TTLL11: variants seen among roughly 807,000 people sequenced by gnomAD.
TTLL11 encodes the protein tubulin polyglutamylase TTLL11.
A neutral mutation model predicts 51.7 loss-of-function variants in TTLL11; 42 were observed. The observed-to-expected ratio is 0.81, with a 90% CI of 0.64 to 1.05. TTLL11 has a LOEUF of 1.05. Among genes scored for constraint, TTLL11 ranks in the 50% least tolerant of loss-of-function variants. The probability of loss-of-function intolerance (pLI) is 0.00; values close to 1 mark genes in which losing one functional copy is unlikely to be tolerated. For missense variants in TTLL11, 799 were observed against 940.4 expected (o/e 0.85, Z 1.97); for synonymous variants, 381 against 383.5 (o/e 0.99, Z 0.08).
At position 121,915,982 on chromosome 9, in the gene TTLL11, C is replaced by CAAAG. The variant is rs1840306741; in HGVS notation, c.1482-45235_1482-45234insCTTT. Among the ~76,000 whole-genome samples the CAAAG allele has an allele frequency of 2.5e-5, 2 of 80,134 alleles. 1 individual carries two copies. The highest frequency in any genetic ancestry group is 1.1e-3 in the South Asian group (2 of 1,862). 52.6% of individuals were successfully genotyped at this position (80,134 alleles called of 152,430 possible). On this transcript the variant is annotated intron_variant, in intron 6 of 8. Transcript: ENST00000321582. Reference sequence around the variant, plus strand: ...AAATATTGGCATGTATAGACAAAGACACACACATACACACACACACACACA... The same window carrying CAAAG: ...AAATATTGGCATGTATAGACAAAGACAAAGACACACATACACACACACACACACA...
At chr9:121,873,815 A>C (rs1588085643) in intron 6 of TTLL11, among the ~76,000 whole-genome samples, 1 of 138,292 alleles carries the variant, frequency 7.2e-6, no homozygotes, top group Admixed American at 7.3e-5. Context: ...ACAGGTGTGC[A>C]CCACCATTAG....
chr9:122,039,404 A>C, intron 1 of TTLL11, 36 bp from the exon 2 acceptor site: 2 of 1,544,512 alleles, frequency 1.3e-6, no homozygotes, highest in Non-Finnish European at 1.8e-6. Flanking sequence ...AATAAGAATA[A>C]GAAGAGCAGT....
At chr9:121,929,100 G>A (rs59769311) in intron 6 of TTLL11, among the ~76,000 whole-genome samples, 11,721 of 152,066 alleles carry the variant, frequency 0.077, 653 homozygotes, top group African/African-American at 0.16. Context: ...GTCTTCAAAT[G>A]TAAAGAGAGC....
intron 6 of TTLL11, among the ~76,000 whole-genome samples, chr9:121,931,584 T>A (rs12551468): frequency 0.83 from 108,953 of 130,500 alleles, 45,354 homozygotes; most frequent in Non-Finnish European, 0.91. Context: ...TTCTACTATT[T>A]AAAAAAAAAA....
chr9:122,023,002 A>G (rs1307033372), intron 3 of TTLL11, among the ~76,000 whole-genome samples: 1 of 151,978 alleles, frequency 6.6e-6, no homozygotes, highest in Non-Finnish European at 1.5e-5. Flanking sequence ...CACTAAAAAC[A>G]AAACAACTAT....
intron 6 of TTLL11, among the ~76,000 whole-genome samples, chr9:121,925,279 C>A (rs990855353): frequency 2.6e-5 from 4 of 152,256 alleles, no homozygotes; most frequent in African/African-American, 9.6e-5. Flanking sequence ...GACCAAATGT[C>A]ACTCAGATGC....
chr9:122,022,020 G>C (rs1844195600), intron 3 of TTLL11, among the ~76,000 whole-genome samples: 1 of 152,194 alleles, frequency 6.6e-6, no homozygotes, highest in Non-Finnish European at 1.5e-5. Context: ...ATAAGAGATT[G>C]AATGGGATTA....
intron 6 of TTLL11, among the ~76,000 whole-genome samples, chr9:121,902,084 T>C (rs1839798079): frequency 1.3e-5 from 2 of 151,550 alleles, no homozygotes; most frequent in Non-Finnish European, 1.5e-5. Context: ...TTTCTCTCTT[T>C]ATAAAAATAA....
At chr9:121,897,923 C>CT (rs113818323) in intron 6 of TTLL11, among the ~76,000 whole-genome samples, 36,803 of 143,048 alleles carry the variant, frequency 0.26, 5,063 homozygotes, top group East Asian at 0.37. Flanking sequence ...TTCTTCTATT[C>CT]TTTTTTTTTT....
rs939583038 is a variant in TTLL11 at position 121,895,941 on chromosome 9, T to G, written c.1482-25193A>C. The stretch of plus-strand genomic sequence containing the variant: ...GTGTGGGTGTGTCTGTGTGGGTGTG[T>G]TTGTGTGGGTGTGGGTGTGTGGGTG... On this transcript the variant is annotated intron_variant, in intron 6 of 8. Transcript: ENST00000321582. Among the ~76,000 whole-genome samples the G allele has an allele frequency of 5.6e-5, 8 of 142,228 alleles. No homozygotes were observed. The South Asian group carries it at 1.0e-3, about 18-fold the overall frequency. 93.3% of individuals were successfully genotyped at this position (142,228 alleles called of 152,430 possible). A position where few individuals can be genotyped will look rare whatever the true frequency, so the allele number is the denominator to read the frequency against.
chr9:121,826,184 C>CTATATATATATA lies in TTLL11; in HGVS notation c.1841-3317_1841-3306dup, dbSNP rs1166211047. Reference sequence around the variant, plus strand: ...TATATATATATATATAACCAGTAACCTATATATATATATATATATATATAT... The same window carrying CTATATATATATA: ...TATATATATATATATAACCAGTAACCTATATATATATATATATATATATATATATATATATAT... On this transcript the variant is annotated intron_variant, in intron 8 of 8. Coordinates refer to ENST00000321582, the MANE Select transcript of TTLL11 (RefSeq NM_001139442.2). 1.7e-3 allele frequency among the ~76,000 whole-genome samples: 88 copies of CTATATATATATA among 51,086 alleles called. 2 individuals are homozygous for CTATATATATATA. Among genetic ancestry groups the CTATATATATATA allele is most frequent in the Middle Eastern group, 0.022 (1 of 46 alleles). The allele number at this position is 51,086 out of a possible 152,430, so 33.5% of individuals were successfully genotyped here. A position where few individuals can be genotyped will look rare whatever the true frequency, so the allele number is the denominator to read the frequency against.
chr9:122,005,002 T>C (rs948515480), intron 3 of TTLL11, among the ~76,000 whole-genome samples: 1 of 152,178 alleles, frequency 6.6e-6, no homozygotes. Flanking sequence ...ATAGGGGCTA[T>C]AGGTAACACC....
Position 122,031,806 on chromosome 9 carries a change from T to C in TTLL11, c.610A>G (p.Met204Val). Residue 204 changes from methionine (M) to valine (V), a missense_variant, in exon 3 of 9, where the codon ATG (methionine) becomes GTG (valine). Met to Val is a conservative substitution (Grantham distance 21). This residue lies in a region of TTLL11 where 468 missense variants were observed against 612.8 expected (regional missense o/e 0.76). Transcript: ENST00000321582. ...KITLSRAVRT[M>V]QNLFPEEYNF... ...TACTCCTCAGGAAAGAGATTCTGCATGGTTCTCACTGCTCTGCTCAGAGTA... is the reference window on the plus strand; with the variant it reads ...TACTCCTCAGGAAAGAGATTCTGCACGGTTCTCACTGCTCTGCTCAGAGTA... 3 of 1,614,134 alleles carry C rather than the reference T, an allele frequency of 1.9e-6. No individual in the cohort carries two copies. The highest frequency in any genetic ancestry group is 3.3e-4 in the Middle Eastern group (2 of 6,020).
At chr9:122,075,573 A>C (rs1845839587) in intron 1 of TTLL11, among the ~76,000 whole-genome samples, 1 of 152,254 alleles carries the variant, frequency 6.6e-6, no homozygotes, top group Admixed American at 6.5e-5. Flanking sequence ...AGAACGCCTT[A>C]GGAGGAAGAA....
chr9:121,864,259 G>C (rs1838111761), intron 7 of TTLL11, among the ~76,000 whole-genome samples: 1 of 152,196 alleles, frequency 6.6e-6, no homozygotes, highest in African/African-American at 2.4e-5. Context: ...CGTTCTCAGA[G>C]ACTATACGTG....
chr9:121,991,190 C>G (rs1174938546), intron 3 of TTLL11, among the ~76,000 whole-genome samples: 1 of 152,244 alleles, frequency 6.6e-6, no homozygotes, highest in Non-Finnish European at 1.5e-5. Flanking sequence ...CATCTGCACT[C>G]TGGCTTGTGC....
intron 3 of TTLL11, among the ~76,000 whole-genome samples, chr9:121,990,689 G>A (rs1843087017): frequency 6.6e-6 from 1 of 152,192 alleles, no homozygotes; most frequent in Non-Finnish European, 1.5e-5. Context: ...TAGTGCACAG[G>A]AAATGTTTGT....
chr9:121,929,803 G>C (rs1312654568), intron 6 of TTLL11, among the ~76,000 whole-genome samples: 1 of 152,226 alleles, frequency 6.6e-6, no homozygotes, highest in Non-Finnish European at 1.5e-5. Flanking sequence ...TGTGACCCCA[G>C]ACAGGCCACT....
At chr9:121,965,516 G>C (rs1490962725) in intron 6 of TTLL11, among the ~76,000 whole-genome samples, 1 of 152,086 alleles carries the variant, frequency 6.6e-6, no homozygotes. Context: ...CTCCCACCAG[G>C]TCTTGTGGGG....
Sources: gnomAD v4.1 joint callset for allele counts (sites outside exome capture counted in the v4.1 genomes callset) on GRCh38, gnomAD v4.1.1 for gene constraint, gnomAD v4.1.1 regional missense constraint, MANE v1.5 for transcripts, NCBI Gene and HGNC (gene_info 2026-07-23, HGNC 2026-07-21) for gene names.